NAALADL2: variants seen among roughly 807,000 people sequenced by gnomAD.
NAALADL2 encodes inactive N-acetylated-alpha-linked acidic dipeptidase-like protein 2.
Under a neutral mutation model 87.2 loss-of-function variants are expected in NAALADL2, and 76 were observed. The observed-to-expected ratio is 0.87, with a 90% CI of 0.72 to 1.05. NAALADL2 has a LOEUF of 1.05. Among genes scored for constraint, NAALADL2 ranks in the 50% least tolerant of loss-of-function variants. NAALADL2 has a pLI of 0.00. For missense variants in NAALADL2, 1,089 were observed against 945.8 expected (o/e 1.15, Z -1.99); for synonymous variants, 354 against 331.0 (o/e 1.07, Z -0.75).
chr3:175,732,765 A>T (rs1419847886), intron 11 of NAALADL2, among the ~76,000 whole-genome samples: 1 of 151,998 alleles, frequency 6.6e-6, no homozygotes, highest in Non-Finnish European at 1.5e-5. Flanking sequence ...TGGGGATAAG[A>T]CTCTGCAAAG....
At chr3:174,971,575 T>A (rs1743644039) in intron 1 of NAALADL2, among the ~76,000 whole-genome samples, 1 of 152,142 alleles carries the variant, frequency 6.6e-6, no homozygotes, top group Non-Finnish European at 1.5e-5. Flanking sequence ...AAATTTTATG[T>A]CTTGCTTTTA....
chr3:174,669,797 A>G (rs1726349908), intron 2 of NAALADL2, among the ~76,000 whole-genome samples: 1 of 151,988 alleles, frequency 6.6e-6, no homozygotes, highest in South Asian at 2.1e-4. Flanking sequence ...TTTTTGATAC[A>G]TAGTTAATTG....
At chr3:174,524,157 A>G (rs1245736692) in intron 1 of NAALADL2, among the ~76,000 whole-genome samples, 1 of 152,202 alleles carries the variant, frequency 6.6e-6, no homozygotes, top group African/African-American at 2.4e-5. Flanking sequence ...ACTGAAGTAT[A>G]ATTTAGCTAC....
chr3:175,485,822 T>A (rs1306814399), intron 9 of NAALADL2, among the ~76,000 whole-genome samples: 2 of 152,140 alleles, frequency 1.3e-5, no homozygotes, highest in African/African-American at 4.8e-5. Flanking sequence ...ATACTTTGCA[T>A]CCTTCAATGC....
intron 12 of NAALADL2, among the ~76,000 whole-genome samples, chr3:175,743,199 C>A (rs930938563): frequency 1.3e-5 from 2 of 152,052 alleles, no homozygotes; most frequent in African/African-American, 4.8e-5. Flanking sequence ...TGGGGTTTCA[C>A]CATGTTGGCC....
chr3:175,188,414 C>T (rs952793794), intron 2 of NAALADL2, among the ~76,000 whole-genome samples: 1 of 152,094 alleles, frequency 6.6e-6, no homozygotes, highest in Non-Finnish European at 1.5e-5. Context: ...CTTCGCAAAG[C>T]AGGGGAGTCA....
At position 175,733,102 on chromosome 3, in the gene NAALADL2, AAC is replaced by A. The variant is rs555600538; in HGVS notation, c.1897-4200_1897-4199del. 1.2e-4 allele frequency among the ~76,000 whole-genome samples: 18 copies of A among 152,276 alleles called. No homozygotes were observed. The South Asian group carries it at 3.3e-3, about 28-fold the overall frequency. On this transcript the variant is annotated intron_variant, in intron 11 of 13. Coordinates refer to ENST00000454872, the MANE Select transcript of NAALADL2 (RefSeq NM_207015.3). ...TTCTTTCTTCTCTTTATTTCTAATA[AAC>A]ACATTTTCCCAAGCAGATAGAAGAA...
intron 2 of NAALADL2, among the ~76,000 whole-genome samples, chr3:174,721,808 G>A (rs1731738469): frequency 6.6e-6 from 1 of 152,180 alleles, no homozygotes; most frequent in Non-Finnish European, 1.5e-5. Flanking sequence ...GTGCAAGGGT[G>A]ATTGGTATTC....
intron 5 of NAALADL2, among the ~76,000 whole-genome samples, chr3:175,446,039 T>C (rs1720630706): frequency 6.6e-6 from 1 of 152,210 alleles, no homozygotes; most frequent in Non-Finnish European, 1.5e-5. Context: ...GACTGGGATT[T>C]ATTGACTGAT....
chr3:174,771,447 A>C (rs1714543038), intron 3 of NAALADL2, among the ~76,000 whole-genome samples: 1 of 152,148 alleles, frequency 6.6e-6, no homozygotes, highest in Non-Finnish European at 1.5e-5. Context: ...AATGAGGAAA[A>C]GATAGGGAGG....
At chr3:175,735,313 T>G (rs997866811) in intron 11 of NAALADL2, among the ~76,000 whole-genome samples, 2 of 152,212 alleles carry the variant, frequency 1.3e-5, no homozygotes, top group African/African-American at 4.8e-5. Context: ...TCTATGGAGT[T>G]GCAAACTTTC....
intron 9 of NAALADL2, among the ~76,000 whole-genome samples, chr3:175,560,293 C>G (rs1487516696): frequency 6.6e-6 from 1 of 152,052 alleles, no homozygotes; most frequent in Non-Finnish European, 1.5e-5. Flanking sequence ...TTTTTCATCT[C>G]TGATTTCATT....
At chr3:174,906,933 TTTTA>T (rs1386033928) in intron 1 of NAALADL2, among the ~76,000 whole-genome samples, 1 of 152,100 alleles carries the variant, frequency 6.6e-6, no homozygotes, top group Non-Finnish European at 1.5e-5. Flanking sequence ...TCTTATATAA[TTTTA>T]TTTATCACAG....
intron 11 of NAALADL2, among the ~76,000 whole-genome samples, chr3:175,636,706 A>G (rs914768441): frequency 1.0e-4 from 15 of 147,262 alleles, no homozygotes; most frequent in Non-Finnish European, 1.2e-4. Context: ...TAAAAAAAAA[A>G]AAAAAAAAGA....
chr3:175,465,634 A>C (rs2149275385), intron 7 of NAALADL2, among the ~76,000 whole-genome samples: 1 of 152,018 alleles, frequency 6.6e-6, no homozygotes. Context: ...CACCAAGCCC[A>C]GCTAATTTTT....
chr3:174,905,396 A>T (rs1040532568), intron 1 of NAALADL2, among the ~76,000 whole-genome samples: 1 of 150,350 alleles, frequency 6.7e-6, no homozygotes, highest in African/African-American at 2.4e-5. Flanking sequence ...TAAGAATTTT[A>T]TAAAGTTGAT....
chr3:175,287,528 T>A (rs986645374), intron 4 of NAALADL2, among the ~76,000 whole-genome samples: 9 of 152,128 alleles, frequency 5.9e-5, no homozygotes, highest in African/African-American at 1.4e-4. Flanking sequence ...CACAGAGAGG[T>A]TACATAACTT....
intron 3 of NAALADL2, among the ~76,000 whole-genome samples, chr3:174,773,333 C>T (rs976670270): frequency 2.6e-5 from 4 of 152,164 alleles, no homozygotes; most frequent in Non-Finnish European, 5.9e-5. Flanking sequence ...GAACCCAATT[C>T]AACATCACAG....
intron 4 of NAALADL2, among the ~76,000 whole-genome samples, chr3:175,273,903 A>G (rs1199903739): frequency 6.6e-6 from 1 of 152,090 alleles, no homozygotes; most frequent in African/African-American, 2.4e-5. Context: ...TTTTTTAACA[A>G]ATTAAAATCG....
Sources: gnomAD v4.1 joint callset for allele counts (sites outside exome capture counted in the v4.1 genomes callset) on GRCh38, gnomAD v4.1.1 for gene constraint, MANE v1.5 for transcripts, NCBI Gene and HGNC (gene_info 2026-07-23, HGNC 2026-07-21) for gene names.